The following PALLD variants were observed in gnomAD, a reference collection of about 807,000 sequenced individuals.
The protein encoded by PALLD is palladin, cytoskeletal associated protein.
In PALLD, 61 loss-of-function variants were observed where a neutral mutation model predicts 123.5. That is an observed-to-expected ratio of 0.49 (90% CI 0.40 to 0.61). The LOEUF is 0.61. Among genes scored for constraint, PALLD ranks in the 20% least tolerant of loss-of-function variants. The pLI, the probability that PALLD is intolerant of heterozygous loss-of-function variation, is 0.00. For missense variants in PALLD, 1,273 were observed against 1,377.0 expected, an observed-to-expected ratio of 0.92 and a Z score of 1.20; for synonymous variants, 465 against 496.4, an observed-to-expected ratio of 0.94 and a Z score of 0.84.
At chr4:168,888,639 C>CT (rs1487968687) in intron 10 of PALLD, among the ~76,000 whole-genome samples, 1 of 152,176 alleles carries the variant, frequency 6.6e-6, no homozygotes, top group Non-Finnish European at 1.5e-5. Context: ...CCTCCACCCT[C>CT]TGACTACCCC....
At chr4:168,768,838 A>G (rs894540126) in intron 10 of PALLD, among the ~76,000 whole-genome samples, 2 of 148,940 alleles carry the variant, frequency 1.3e-5, no homozygotes, top group African/African-American at 5.0e-5. Flanking sequence ...ATGCCCAGCT[A>G]ATTTTTTGCA....
At chr4:168,619,200 G>T (rs1449558604) in intron 2 of PALLD, among the ~76,000 whole-genome samples, 1 of 152,180 alleles carries the variant, frequency 6.6e-6, no homozygotes, top group Non-Finnish European at 1.5e-5. Flanking sequence ...AGAGTCTAAG[G>T]CTGAAGGAAG....
chr4:168,680,481 CAAAAAAAAAA>C (rs571607157), intron 3 of PALLD, among the ~76,000 whole-genome samples: 3 of 59,154 alleles, frequency 5.1e-5, no homozygotes, highest in Admixed American at 2.4e-4. Flanking sequence ...GATTCCGTCT[CAAAAAAAAAA>C]AAAAAAAAAA....
chr4:168,804,023 C>T (rs890147657), intron 10 of PALLD, among the ~76,000 whole-genome samples: 2 of 152,158 alleles, frequency 1.3e-5, no homozygotes, highest in African/African-American at 4.8e-5. Context: ...CAGTGTAGAG[C>T]TGTTACAGTT....
At chr4:168,601,752 T>C (rs1213083886) in intron 2 of PALLD, among the ~76,000 whole-genome samples, 2 of 152,028 alleles carry the variant, frequency 1.3e-5, no homozygotes, top group East Asian at 1.9e-4. Context: ...TTTGGAGAAA[T>C]GGGAATTCAT....
chr4:168,918,325 G>GATATATAT (rs71588177), intron 17 of PALLD, among the ~76,000 whole-genome samples: 5,324 of 149,374 alleles, frequency 0.036, 115 homozygotes, highest in Non-Finnish European at 0.049. Flanking sequence ...GAAAATATGA[G>GATATATAT]ATATATATAT....
intron 8 of PALLD, among the ~76,000 whole-genome samples, chr4:168,692,384 T>C (rs1440619851): frequency 1.3e-5 from 2 of 152,206 alleles, no homozygotes; most frequent in Non-Finnish European, 2.9e-5. Context: ...TCCCCCCACT[T>C]AATGTGTCAG....
intron 17 of PALLD, 59 bp from the exon 18 acceptor site, chr4:168,921,475 A>T: frequency 8.6e-7 from 1 of 1,157,274 alleles, no homozygotes; most frequent in South Asian, 1.3e-5. Flanking sequence ...CTTCTTAGCT[A>T]CCAGTGATTT....
At chr4:168,567,053 C>T (rs953023651) in intron 2 of PALLD, among the ~76,000 whole-genome samples, 2 of 152,198 alleles carry the variant, frequency 1.3e-5, no homozygotes, top group African/African-American at 2.4e-5. Flanking sequence ...TATTACCTTA[C>T]TTGAACAGTG....
intron 10 of PALLD, among the ~76,000 whole-genome samples, chr4:168,719,397 A>G (rs918076603): frequency 6.7e-6 from 1 of 150,304 alleles, no homozygotes; most frequent in African/African-American, 2.5e-5. Context: ...AGCTGGAATT[A>G]CAGGCACCCG....
chr4:168,664,837 C>T (rs1001100822), intron 2 of PALLD, among the ~76,000 whole-genome samples: 1 of 150,854 alleles, frequency 6.6e-6, no homozygotes, highest in African/African-American at 2.4e-5. Context: ...AAAAGGGCAG[C>T]ATAGTTTCTG....
chr4:168,730,463 C>T (rs1581181291), intron 10 of PALLD, among the ~76,000 whole-genome samples: 2 of 152,196 alleles, frequency 1.3e-5, no homozygotes, highest in East Asian at 1.9e-4. Context: ...TGCATTGTCT[C>T]TATTTCTTAA....
intron 2 of PALLD, among the ~76,000 whole-genome samples, chr4:168,661,351 A>T (rs1779117867): frequency 6.6e-6 from 1 of 152,204 alleles, no homozygotes; most frequent in Non-Finnish European, 1.5e-5. Flanking sequence ...CTTAGCTGAC[A>T]TCTATGCTTC....
intron 10 of PALLD, among the ~76,000 whole-genome samples, chr4:168,740,644 A>G (rs1318558699): frequency 6.6e-6 from 1 of 152,206 alleles, no homozygotes; most frequent in Admixed American, 6.5e-5. Flanking sequence ...AAAGATGGAA[A>G]GTTCTTTTGA....
At chr4:168,910,925 A>G (rs1046861735) in intron 15 of PALLD, among the ~76,000 whole-genome samples, 1 of 152,188 alleles carries the variant, frequency 6.6e-6, no homozygotes, top group African/African-American at 2.4e-5. Flanking sequence ...ATTCACATGG[A>G]AATTCTTGCT....
chr4:168,715,595 G>T (rs914411989), intron 10 of PALLD, among the ~76,000 whole-genome samples: 1 of 152,126 alleles, frequency 6.6e-6, no homozygotes, highest in African/African-American at 2.4e-5. Flanking sequence ...GATATTTGAA[G>T]ATCAAAATAA....
intron 10 of PALLD, among the ~76,000 whole-genome samples, chr4:168,754,236 A>T (rs1731458856): frequency 6.6e-6 from 1 of 152,244 alleles, no homozygotes; most frequent in South Asian, 2.1e-4. Flanking sequence ...TCATCTCCTG[A>T]TAACTTTTTT....
intron 10 of PALLD, among the ~76,000 whole-genome samples, chr4:168,874,626 T>A (rs1682303114): frequency 6.8e-6 from 1 of 147,500 alleles, no homozygotes; most frequent in East Asian, 2.0e-4. Flanking sequence ...AATAAAGTCC[T>A]CAGAAGGAAA....
At chr4:168,672,597 T>C (rs1780397717) in intron 3 of PALLD, among the ~76,000 whole-genome samples, 1 of 152,138 alleles carries the variant, frequency 6.6e-6, no homozygotes, top group African/African-American at 2.4e-5. Context: ...TAGCTGGGAC[T>C]ACAGGCGCCT....
Sources: allele counts gnomAD v4.1 joint callset (sites outside exome capture counted in the v4.1 genomes callset), GRCh38; gene constraint gnomAD v4.1.1; transcripts MANE v1.5; gene names NCBI Gene and HGNC (gene_info 2026-07-23, HGNC 2026-07-21).